Variants in SSU72 observed in about 807,000 individuals in gnomAD.
SSU72 encodes SSU72 homolog, RNA polymerase II CTD phosphatase.
A neutral mutation model predicts 22.7 loss-of-function variants in SSU72; 12 were observed. That is an observed-to-expected ratio of 0.53 (90% CI 0.34 to 0.86). The LOEUF is 0.86. Among genes scored for constraint, SSU72 ranks in the 40% least tolerant of loss-of-function variants. The pLI, the probability that SSU72 is intolerant of heterozygous loss-of-function variation, is 0.02. For synonymous variants in SSU72, 116 were observed against 98.3 expected, an observed-to-expected ratio of 1.18 and a Z score of -1.06; for missense variants, 151 against 249.8, an observed-to-expected ratio of 0.60 and a Z score of 2.67.
chr1:1,553,332 A>T (rs1370272054), intron 2 of SSU72, among the ~76,000 whole-genome samples: 3 of 152,228 alleles, frequency 2.0e-5, no homozygotes, highest in East Asian at 1.9e-4. Flanking sequence ...TTAGTTATTT[A>T]AAAAAATAAT....
rs770081840 is a variant in SSU72 at position 1,550,648 on chromosome 1, C to T, written c.225-5646G>A. On this transcript the variant is annotated intron_variant, in intron 2 of 4. Coordinates refer to ENST00000291386, the MANE Select transcript of SSU72 (RefSeq NM_014188.3). ...TGGTCCCGGGCCCAGGGAGTCAGGACGAGGCAGTGATCTCGCCTGGCAGAG... is the reference window on the plus strand; with the variant it reads ...TGGTCCCGGGCCCAGGGAGTCAGGATGAGGCAGTGATCTCGCCTGGCAGAG... 9.2e-5 allele frequency among the ~76,000 whole-genome samples: 14 copies of T among 152,222 alleles called. 1 individual carries two copies. Among genetic ancestry groups the T allele is most frequent in the East Asian group, 1.9e-4 (1 of 5,150 alleles).
intron 1 of SSU72, among the ~76,000 whole-genome samples, chr1:1,572,054 C>CA (rs1570402561): frequency 6.6e-6 from 1 of 151,428 alleles, no homozygotes; most frequent in East Asian, 2.0e-4. Context: ...CTCGGCCTCC[C>CA]AAAGTGCTGG....
rs1570388744 is a variant in SSU72, at chr1:1,554,486, T to C, written c.225-9484A>G. On this transcript the variant is annotated intron_variant, in intron 2 of 4. Transcript: ENST00000291386. The surrounding 1 kb of genome is among the most constrained non-coding windows in gnomAD (Gnocchi z 4.1). ...CCCAGGGCCCCAAGGTGCCAGGACA[T>C]ACCAGGAAACGCCCCAAACACAGCT... Among the ~76,000 whole-genome samples, 1 of 152,276 alleles carries C rather than the reference T, an allele frequency of 6.6e-6. No homozygotes were observed. Among genetic ancestry groups the C allele is most frequent in the Non-Finnish European group, 1.5e-5 (1 of 68,006 alleles).
chr1:1,550,555 G>C (rs949948977), intron 2 of SSU72, among the ~76,000 whole-genome samples: 1 of 152,186 alleles, frequency 6.6e-6, no homozygotes, highest in Non-Finnish European at 1.5e-5. Context: ...CTTGCCTCTC[G>C]CCAGACCCCA....
Position 1,541,748 on chromosome 1 carries a change from C to G in SSU72, c.*318G>C. The G allele has an allele frequency of 2.6e-6, 1 of 380,286 alleles. No homozygotes were observed. Among genetic ancestry groups the G allele is most frequent in the Non-Finnish European group, 5.0e-6 (1 of 199,492 alleles). The allele number at this position is 380,286 out of a possible 1,614,324, so 23.6% of individuals were successfully genotyped here. ...CAGCAGGGCTCTGTACAGTCCGGCC[C>G]GGTGGGGAGGAGGGAGGGAAGGCAG... On this transcript the variant is annotated 3_prime_UTR_variant, in exon 5 of 5. Coordinates refer to ENST00000291386, the MANE Select transcript of SSU72 (RefSeq NM_014188.3).
chr1:1,574,665 A>G lies in SSU72; in HGVS notation c.-108T>C, dbSNP rs1642789560. 1 of 1,087,940 alleles carries G rather than the reference A, an allele frequency of 9.2e-7. No individual in the cohort carries two copies. Among genetic ancestry groups the G allele is most frequent in the Admixed American group, 3.2e-5 (1 of 31,280 alleles). The allele number at this position is 1,087,940 out of a possible 1,614,324, so 67.4% of individuals were successfully genotyped here. A position where few individuals can be genotyped will look rare whatever the true frequency, so the allele number is the denominator to read the frequency against. Reference sequence around the variant, plus strand: ...CGGTGGCCGGAAGCGGGCGACGCGAAACGACGGCGCCGGCGGTGTAGCGTG... The same window carrying G: ...CGGTGGCCGGAAGCGGGCGACGCGAGACGACGGCGCCGGCGGTGTAGCGTG... On this transcript the variant is annotated 5_prime_UTR_variant, in exon 1 of 5. Transcript: ENST00000291386.
chr1:1,573,940 T>C (rs986308570), intron 1 of SSU72, among the ~76,000 whole-genome samples: 8 of 150,374 alleles, frequency 5.3e-5, no homozygotes, highest in Admixed American at 4.0e-4. Flanking sequence ...GAATATAAAC[T>C]AGCAGAGCCA....
At position 1,542,296 on chromosome 1, in the gene SSU72, C is replaced by T; in HGVS notation, c.484-129G>A. On this transcript the variant is annotated intron_variant, in intron 4 of 4. Coordinates refer to ENST00000291386, the MANE Select transcript of SSU72 (RefSeq NM_014188.3). This position sits in a 1 kb window ranked among gnomAD's most constrained non-coding sequence, Gnocchi z 4.4. ...CAGCGCAGCAGGCAGGCCCTCACCC[C>T]ACCGCTGCTGCCTCACAAGGACGGC... is the stretch of plus-strand genomic sequence containing the variant. 1 of 837,334 alleles carries T rather than the reference C, an allele frequency of 1.2e-6. No homozygotes were observed. The highest frequency in any genetic ancestry group is 2.7e-5 in the East Asian group (1 of 36,720). The allele number at this position is 837,334 out of a possible 1,614,324, so 51.9% of individuals were successfully genotyped here.
chr1:1,561,386 CTT>C (rs934975667), intron 2 of SSU72: 1 of 152,190 alleles, frequency 6.6e-6, no homozygotes, highest in African/African-American at 2.4e-5. Flanking sequence ...CCGGCCCGTC[CTT>C]TGTCTTGACG....
At chr1:1,564,476 C>T (rs551044606) in intron 2 of SSU72, 9 of 1,474,564 alleles carry the variant, frequency 6.1e-6, no homozygotes, top group Non-Finnish European at 8.1e-6. Flanking sequence ...TTGTGGGTTC[C>T]ACCTCCTCAC....
intron 3 of SSU72, chr1:1,544,587 C>T: frequency 2.1e-6 from 1 of 477,714 alleles, no homozygotes; most frequent in Non-Finnish European, 3.8e-6. Flanking sequence ...CACTGCACTC[C>T]AGCCTGGCGA....
intron 2 of SSU72, chr1:1,562,284 C>T (rs76146011): frequency 1.3e-4 from 20 of 152,320 alleles, no homozygotes; most frequent in Admixed American, 3.3e-4. Flanking sequence ...ACTGAATATA[C>T]AAGAACTTAA....
rs986786128 is a variant in SSU72, at chr1:1,542,206, C to G, written c.484-39G>C. 3 of 1,538,276 alleles carry G rather than the reference C, an allele frequency of 2.0e-6. No homozygotes were observed. In the African/African-American group the frequency reaches 4.1e-5, roughly 21 times the overall value. ...ACCGTGGTGAGGGCCTTGCCCACTC[C>G]TGCCTGTCTGCTCCCCCTAACACCT... On this transcript the variant is annotated intron_variant, in intron 4 of 4. Transcript: ENST00000291386. The surrounding 1 kb of genome is among the most constrained non-coding windows in gnomAD (Gnocchi z 4.4).
chr1:1,562,926 G>A (rs928790457), intron 2 of SSU72: 1 of 152,350 alleles, frequency 6.6e-6, no homozygotes, highest in Admixed American at 6.5e-5. Flanking sequence ...ACACTGACTT[G>A]CAGTGAGAGC....
At chr1:1,545,037 G>T (rs747108194) in intron 2 of SSU72, 35 bp from the exon 3 acceptor site, 2 of 1,604,740 alleles carry the variant, frequency 1.2e-6, no homozygotes, top group East Asian at 2.2e-5. Context: ...CAGAGAAAAG[G>T]CATCTGTGTA....
At chr1:1,561,524 T>G (rs954554237) in intron 2 of SSU72, 2 of 152,392 alleles carry the variant, frequency 1.3e-5, no homozygotes, top group African/African-American at 4.8e-5. Flanking sequence ...CAGATTTGCT[T>G]TCGGGCTCTC....
intron 1 of SSU72, among the ~76,000 whole-genome samples, chr1:1,571,895 C>A (rs1320791592): frequency 6.6e-6 from 1 of 151,808 alleles, no homozygotes; most frequent in East Asian, 2.0e-4. Flanking sequence ...CCCGGGTTCA[C>A]GCCATTCTCC....
At position 1,564,531 on chromosome 1, in the gene SSU72, C is replaced by T. The variant is rs201274097; in HGVS notation, c.224+242G>A. 10 of 1,541,002 alleles carry T rather than the reference C, an allele frequency of 6.5e-6. No individual in the cohort carries two copies. In the East Asian group the frequency reaches 9.7e-5, roughly 15 times the overall value. The stretch of plus-strand genomic sequence containing the variant: ...GCTATGTCACGACCCTCTGCTGAAC[C>T]ACGTCAGGGTGAACCCCACACCGTG... On this transcript the variant is annotated intron_variant, in intron 2 of 4. Coordinates refer to ENST00000291386, the MANE Select transcript of SSU72 (RefSeq NM_014188.3).
chr1:1,546,155 T>C (rs1393324328), intron 2 of SSU72: 1 of 152,252 alleles, frequency 6.6e-6, no homozygotes, highest in Non-Finnish European at 1.5e-5. Context: ...CAGGAGCTCA[T>C]TTGAGCCATT....
Sources: gnomAD v4.1 joint callset for allele counts (sites outside exome capture counted in the v4.1 genomes callset) on GRCh38, gnomAD v4.1.1 for gene constraint, Gnocchi (gnomAD v3.1) non-coding constraint, MANE v1.5 for transcripts, NCBI Gene and HGNC (gene_info 2026-07-23, HGNC 2026-07-21) for gene names.